DPP10: variants seen among roughly 807,000 people sequenced by gnomAD.
DPP10 encodes inactive dipeptidyl peptidase 10.
A neutral mutation model predicts 120.9 loss-of-function variants in DPP10; 33 were observed. The ratio of observed to expected loss-of-function variants is 0.27; its 90% CI spans 0.21 to 0.37. The LOEUF (loss-of-function observed/expected upper bound fraction) is 0.37, where lower values mean the gene tolerates loss of function less well. Ranked by LOEUF, DPP10 falls within the 10% of genes least tolerant of loss-of-function variation. DPP10 has a pLI of 1.00. For synonymous variants in DPP10, 337 were observed against 326.1 expected (o/e 1.03, Z -0.36); for missense variants, 816 against 942.8 (o/e 0.87, Z 1.76).
intron 1 of DPP10, among the ~76,000 whole-genome samples, chr2:114,883,965 T>C (rs1433002168): frequency 6.6e-6 from 1 of 152,252 alleles, no homozygotes; most frequent in Non-Finnish European, 1.5e-5. Context: ...TGGTTGCTAA[T>C]GGGAGAAATT....
intron 1 of DPP10, among the ~76,000 whole-genome samples, chr2:115,116,817 C>G (rs1427595025): frequency 6.6e-6 from 1 of 152,150 alleles, no homozygotes; most frequent in East Asian, 1.9e-4. Flanking sequence ...GAATGTCATA[C>G]AATCTTTTCC....
chr2:115,020,561 G>A (rs866885547), intron 1 of DPP10, among the ~76,000 whole-genome samples: 2 of 152,024 alleles, frequency 1.3e-5, no homozygotes, highest in Non-Finnish European at 1.5e-5. Context: ...CACAATAATA[G>A]TGGAGGACTT....
chr2:115,655,738 TATA>T (rs1219607157), intron 5 of DPP10, among the ~76,000 whole-genome samples: 1 of 151,644 alleles, frequency 6.6e-6, no homozygotes. Flanking sequence ...ATATTAATCA[TATA>T]ATCGCTCAAC....
intron 25 of DPP10, among the ~76,000 whole-genome samples, chr2:115,841,630 G>T (rs1312352862): frequency 6.6e-6 from 1 of 152,116 alleles, no homozygotes; most frequent in East Asian, 1.9e-4. Context: ...TATTCAAAGG[G>T]CAATGAGGCG....
intron 1 of DPP10, among the ~76,000 whole-genome samples, chr2:114,993,343 C>A (rs761935118): frequency 5.2e-5 from 7 of 134,850 alleles, no homozygotes; most frequent in South Asian, 5.0e-4. Context: ...GTACTTGGTA[C>A]TTGGCACAGG....
intron 5 of DPP10, among the ~76,000 whole-genome samples, chr2:115,637,363 A>G (rs2086426108): frequency 6.6e-6 from 1 of 152,170 alleles, no homozygotes; most frequent in African/African-American, 2.4e-5. Context: ...AAGAGGGGTA[A>G]GTTAATTGTT....
At chr2:115,604,517 C>T (rs886911496) in intron 5 of DPP10, among the ~76,000 whole-genome samples, 1 of 152,132 alleles carries the variant, frequency 6.6e-6, no homozygotes, top group Non-Finnish European at 1.5e-5. Flanking sequence ...AGCTGGTTAG[C>T]CACCATAGTT....
intron 5 of DPP10, among the ~76,000 whole-genome samples, chr2:115,599,321 ACATTGTCT>A (rs1227607688): frequency 1.3e-5 from 2 of 152,092 alleles, no homozygotes; most frequent in African/African-American, 4.8e-5. Flanking sequence ...AAAACTTTTG[ACATTGTCT>A]CATAGACTTC....
At chr2:115,833,469 G>T (rs1177026231) in intron 21 of DPP10, among the ~76,000 whole-genome samples, 1 of 152,120 alleles carries the variant, frequency 6.6e-6, no homozygotes, top group African/African-American at 2.4e-5. Context: ...TACTGGAAAT[G>T]CTCCCTCTAG....
At chr2:114,587,963 A>G (rs1691142023) in intron 1 of DPP10, among the ~76,000 whole-genome samples, 1 of 152,262 alleles carries the variant, frequency 6.6e-6, no homozygotes, top group Non-Finnish European at 1.5e-5. Flanking sequence ...CACAAAAGTC[A>G]AAATGAAGCA....
intron 3 of DPP10, among the ~76,000 whole-genome samples, chr2:115,410,904 A>T (rs1226184582): frequency 1.3e-5 from 2 of 152,216 alleles, no homozygotes; most frequent in Non-Finnish European, 2.9e-5. Context: ...TTTTGATATA[A>T]AATTAGACTA....
At chr2:115,103,980 A>G (rs1043636586) in intron 1 of DPP10, among the ~76,000 whole-genome samples, 3 of 152,088 alleles carry the variant, frequency 2.0e-5, no homozygotes, top group Non-Finnish European at 4.4e-5. Flanking sequence ...TCTGAAATTT[A>G]TTTCTGTTTC....
At chr2:115,492,662 G>T (rs1229744261) in intron 3 of DPP10, among the ~76,000 whole-genome samples, 2 of 152,136 alleles carry the variant, frequency 1.3e-5, no homozygotes, top group Non-Finnish European at 2.9e-5. Flanking sequence ...TATCAATGCA[G>T]ACAGTTGAAT....
intron 1 of DPP10, among the ~76,000 whole-genome samples, chr2:115,207,583 G>A (rs1325420974): frequency 2.0e-5 from 3 of 152,114 alleles, no homozygotes; most frequent in African/African-American, 7.2e-5. Context: ...ACGTAGATGG[G>A]AAGGTTATTC....
At chr2:115,751,254 A>G (rs1321114177) in intron 10 of DPP10, among the ~76,000 whole-genome samples, 1 of 152,194 alleles carries the variant, frequency 6.6e-6, no homozygotes, top group Non-Finnish European at 1.5e-5. Flanking sequence ...AAAGGTTAAT[A>G]CTTCATTTTC....
intron 1 of DPP10, among the ~76,000 whole-genome samples, chr2:114,870,646 A>T (rs1204194867): frequency 8.1e-6 from 1 of 122,850 alleles, no homozygotes; most frequent in African/African-American, 2.8e-5. Flanking sequence ...TCTCAAAAAA[A>T]ATATTTTGAT....
intron 3 of DPP10, among the ~76,000 whole-genome samples, chr2:115,413,292 T>G (rs1432323989): frequency 6.6e-6 from 1 of 152,140 alleles, no homozygotes; most frequent in Non-Finnish European, 1.5e-5. Context: ...TTTCCTAAGG[T>G]GTTGAAACGT....
At chr2:115,186,899 G>A (rs894276357) in intron 1 of DPP10, among the ~76,000 whole-genome samples, 7 of 151,704 alleles carry the variant, frequency 4.6e-5, no homozygotes, top group Admixed American at 2.0e-4. Flanking sequence ...ACTTAGAATA[G>A]TTATATGCTA....
At chr2:114,682,424 A>G (rs1172646239) in intron 1 of DPP10, among the ~76,000 whole-genome samples, 1 of 151,582 alleles carries the variant, frequency 6.6e-6, no homozygotes, top group Non-Finnish European at 1.5e-5. Flanking sequence ...CATCTTTTCC[A>G]TTTTTTCTTT....
Sources: gnomAD v4.1 joint callset for allele counts (sites outside exome capture counted in the v4.1 genomes callset) on GRCh38, gnomAD v4.1.1 for gene constraint, MANE v1.5 for transcripts, NCBI Gene and HGNC (gene_info 2026-07-23, HGNC 2026-07-21) for gene names.